The following KATNAL1 variants were observed in gnomAD, a reference collection of about 807,000 sequenced individuals.
KATNAL1 encodes the protein katanin p60 ATPase-containing subunit A-like 1.
A neutral mutation model predicts 55.2 loss-of-function variants in KATNAL1; 32 were observed. The ratio of observed to expected loss-of-function variants is 0.58; its 90% CI spans 0.44 to 0.78. The LOEUF (loss-of-function observed/expected upper bound fraction) is 0.78. KATNAL1 is among the 30% of genes least tolerant of loss of function. The pLI is 0.00. For synonymous variants in KATNAL1, 193 were observed against 193.6 expected, an observed-to-expected ratio of 1.00 and a Z score of 0.02; for missense variants, 466 against 600.9, an observed-to-expected ratio of 0.78 and a Z score of 2.35.
At chr13:30,263,188 C>A (rs1879452333) in intron 3 of KATNAL1, among the ~76,000 whole-genome samples, 1 of 152,148 alleles carries the variant, frequency 6.6e-6, no homozygotes, top group South Asian at 2.1e-4. Flanking sequence ...GCTAAAAACT[C>A]TCAATAAATT....
rs757116732 is a variant in KATNAL1, at chr13:30,246,329, T to C, written c.493-5243A>G. 1.8e-4 allele frequency among the ~76,000 whole-genome samples: 27 copies of C among 151,988 alleles called. 1 individual carries two copies. Among genetic ancestry groups the C allele is most frequent in the Admixed American group, 1.4e-3 (21 of 15,256 alleles). The stretch of plus-strand genomic sequence containing the variant: ...TATTTAATAGACGGTGTTGGGAAAA[T>C]TGGCTAGCCATATGCAGAAAACTGA... On this transcript the variant is annotated intron_variant, in intron 4 of 10. Transcript: ENST00000380615.
At chr13:30,276,872 A>G in intron 3 of KATNAL1, among the ~76,000 whole-genome samples, 1 of 152,326 alleles carries the variant, frequency 6.6e-6, no homozygotes, top group African/African-American at 2.4e-5. Flanking sequence ...ATGACTTTGG[A>G]AAAATTACAA....
At chr13:30,248,599 G>GA (rs1227806795) in intron 4 of KATNAL1, among the ~76,000 whole-genome samples, 1 of 152,214 alleles carries the variant, frequency 6.6e-6, no homozygotes, top group Non-Finnish European at 1.5e-5. Context: ...AATATCCTGG[G>GA]AAAATCACAA....
chr13:30,220,653 A>C (rs893335885), intron 9 of KATNAL1, among the ~76,000 whole-genome samples: 10 of 152,146 alleles, frequency 6.6e-5, no homozygotes, highest in African/African-American at 2.4e-4. Context: ...TTGTTGCTTT[A>C]AATAAGCGTA....
chr13:30,208,506 C>A lies in KATNAL1; in HGVS notation c.*34G>T. On this transcript the variant is annotated 3_prime_UTR_variant, in exon 11 of 11. Transcript: ENST00000380615. ...CAGGAATTTCTTCGTATTTTATCAACAAAAATACCAGAAATTAAAGAGCTG... is the reference window on the plus strand; with the variant it reads ...CAGGAATTTCTTCGTATTTTATCAAAAAAAATACCAGAAATTAAAGAGCTG... The A allele has an allele frequency of 1.4e-6, 2 of 1,437,136 alleles. No homozygotes were observed. Among genetic ancestry groups the A allele is most frequent in the Non-Finnish European group, 1.8e-6 (2 of 1,081,412 alleles). 89.0% of individuals were successfully genotyped at this position (1,437,136 alleles called of 1,614,324 possible).
intron 1 of KATNAL1, among the ~76,000 whole-genome samples, chr13:30,293,926 T>C (rs78754434): frequency 0.049 from 7,429 of 152,306 alleles, 256 homozygotes; most frequent in Admixed American, 0.088. Context: ...ATTTTTATTA[T>C]ATCTGTTAAT....
Position 30,210,457 on chromosome 13 carries a change from T to C in KATNAL1, c.1148-15A>G. 1 of 1,593,968 alleles carries C rather than the reference T, an allele frequency of 6.3e-7. No individual in the cohort carries two copies. Among genetic ancestry groups the C allele is most frequent in the South Asian group, 1.2e-5 (1 of 86,818 alleles). On this transcript the variant is annotated splice_polypyrimidine_tract_variant and intron_variant, in intron 9 of 10. Coordinates refer to ENST00000380615, the MANE Select transcript of KATNAL1 (RefSeq NM_032116.5). Reference sequence around the variant, plus strand: ...TCTTCCTTTTGCTGTTACAAGATTTTGGTGGTGTTGTTAGATGTTTTACTT... The same window carrying C: ...TCTTCCTTTTGCTGTTACAAGATTTCGGTGGTGTTGTTAGATGTTTTACTT...
At chr13:30,277,961 G>C (rs1293736049) in intron 3 of KATNAL1, among the ~76,000 whole-genome samples, 12 of 127,500 alleles carry the variant, frequency 9.4e-5, no homozygotes, top group African/African-American at 1.5e-4. Context: ...CCAGCCTGGG[G>C]GACAGAGCGA....
chr13:30,221,071 AGAGT>A (rs1438284816), intron 9 of KATNAL1, among the ~76,000 whole-genome samples: 3 of 152,228 alleles, frequency 2.0e-5, no homozygotes, highest in African/African-American at 7.2e-5. Context: ...ATTAGAATAC[AGAGT>A]AACAGCCAGA....
chr13:30,251,376 G>C (rs1188251743), intron 4 of KATNAL1, among the ~76,000 whole-genome samples: 1 of 152,150 alleles, frequency 6.6e-6, no homozygotes, highest in Non-Finnish European at 1.5e-5. Flanking sequence ...CAAAATTCAT[G>C]TTGGTATCTA....
chr13:30,270,927 T>TA (rs112902595), intron 3 of KATNAL1, among the ~76,000 whole-genome samples: 138 of 132,950 alleles, frequency 1.0e-3, no homozygotes, highest in South Asian at 1.7e-3. Context: ...AATAATAAAA[T>TA]AAAAAAAAAA....
chr13:30,287,796 C>T (rs1261771249), intron 1 of KATNAL1, among the ~76,000 whole-genome samples: 5 of 152,094 alleles, frequency 3.3e-5, no homozygotes, highest in Non-Finnish European at 5.9e-5. Context: ...AATACAGACA[C>T]AAAACTATAA....
intron 3 of KATNAL1, among the ~76,000 whole-genome samples, chr13:30,258,432 CTT>C (rs1878966187): frequency 1.3e-5 from 2 of 152,036 alleles, no homozygotes; most frequent in Admixed American, 6.5e-5. Context: ...GTGATTTGCT[CTT>C]TTCTTTATTT....
In KATNAL1 at chr13:30,204,679, A is replaced by G. The variant is rs1041285799; in HGVS notation, c.*3861T>C. ...ACACATTTTCCCCTGATGTATGTGT[A>G]TGACTGTCCATAGATTCACCAGGTA... On this transcript the variant is annotated 3_prime_UTR_variant, in exon 11 of 11. Coordinates refer to ENST00000380615, the MANE Select transcript of KATNAL1 (RefSeq NM_032116.5). 6.6e-6 allele frequency: 1 copy of G among 152,240 alleles called. No individual in the cohort carries two copies. Among genetic ancestry groups the G allele is most frequent in the Non-Finnish European group, 1.5e-5 (1 of 68,034 alleles). 9.4% of individuals were successfully genotyped at this position (152,240 alleles called of 1,614,324 possible).
At chr13:30,304,144 G>T (rs1212480798) in intron 1 of KATNAL1, among the ~76,000 whole-genome samples, 1 of 152,090 alleles carries the variant, frequency 6.6e-6, no homozygotes, top group Non-Finnish European at 1.5e-5. Context: ...CACAAAATTA[G>T]ACAACTTACT....
intron 2 of KATNAL1, among the ~76,000 whole-genome samples, chr13:30,283,084 A>G (rs1259248843): frequency 4.6e-5 from 7 of 151,794 alleles, no homozygotes; most frequent in African/African-American, 7.3e-5. Flanking sequence ...CCTGGCCAAC[A>G]TGGTGAAACC....
At chr13:30,234,353 C>T (rs575468022) in intron 6 of KATNAL1, among the ~76,000 whole-genome samples, 1 of 152,344 alleles carries the variant, frequency 6.6e-6, no homozygotes, top group South Asian at 2.1e-4. Context: ...TACCACATGA[C>T]TTTAGTCTTC....
intron 4 of KATNAL1, among the ~76,000 whole-genome samples, chr13:30,248,199 C>T (rs551976464): frequency 2.6e-5 from 4 of 152,214 alleles, no homozygotes; most frequent in African/African-American, 9.6e-5. Context: ...TATTTGAATG[C>T]AACTCTTCCT....
intron 1 of KATNAL1, among the ~76,000 whole-genome samples, chr13:30,284,244 T>C (rs1055083967): frequency 6.6e-6 from 1 of 152,122 alleles, no homozygotes; most frequent in Non-Finnish European, 1.5e-5. Context: ...GTTTTCAAAT[T>C]TGGAAGTACA....
Sources: gnomAD v4.1 joint callset for allele counts (sites outside exome capture counted in the v4.1 genomes callset) on GRCh38, gnomAD v4.1.1 for gene constraint, MANE v1.5 for transcripts, NCBI Gene and HGNC (gene_info 2026-07-23, HGNC 2026-07-21) for gene names.